The following PAX7 variants were observed in gnomAD, a reference collection of about 807,000 sequenced individuals.
The protein encoded by PAX7 is paired box protein Pax-7.
Under a neutral mutation model 50.7 loss-of-function variants are expected in PAX7, and 18 were observed. The ratio of observed to expected loss-of-function variants is 0.36; its 90% CI spans 0.25 to 0.53. The LOEUF (loss-of-function observed/expected upper bound fraction) is 0.53, where lower values mean the gene tolerates loss of function less well. Among genes scored for constraint, PAX7 ranks in the 20% least tolerant of loss-of-function variants. The pLI, the probability that PAX7 is intolerant of heterozygous loss-of-function variation, is 0.93. For missense variants in PAX7, 644 were observed against 702.9 expected, an observed-to-expected ratio of 0.92 and a Z score of 0.95; for synonymous variants, 310 against 290.4, an observed-to-expected ratio of 1.07 and a Z score of -0.69.
At chr1:18,718,394 A>G (rs1461942094) in intron 7 of PAX7, among the ~76,000 whole-genome samples, 1 of 152,008 alleles carries the variant, frequency 6.6e-6, no homozygotes, top group Non-Finnish European at 1.5e-5. Flanking sequence ...AAAAATCTCA[A>G]TTTGCAGACT....
intron 4 of PAX7, among the ~76,000 whole-genome samples, chr1:18,649,868 C>T (rs943353882): frequency 2.6e-5 from 4 of 152,222 alleles, no homozygotes; most frequent in Non-Finnish European, 5.9e-5. Flanking sequence ...CTGGAAGAGC[C>T]GCTTCATGTC....
chr1:18,720,524 GAGAC>G (rs756090916), intron 7 of PAX7, among the ~76,000 whole-genome samples: 3 of 152,118 alleles, frequency 2.0e-5, no homozygotes, highest in Non-Finnish European at 4.4e-5. Flanking sequence ...AGTGGTCAGA[GAGAC>G]AGACAGACAG....
At chr1:18,649,716 G>A (rs371545770) in intron 4 of PAX7, among the ~76,000 whole-genome samples, 1 of 152,162 alleles carries the variant, frequency 6.6e-6, no homozygotes, top group African/African-American at 2.4e-5. Context: ...TCCACCATCC[G>A]GGGAACTGTC....
intron 7 of PAX7, among the ~76,000 whole-genome samples, chr1:18,733,538 T>G (rs1161237018): frequency 2.6e-5 from 4 of 152,134 alleles, no homozygotes; most frequent in Admixed American, 2.0e-4. Flanking sequence ...CGGTCTCAGC[T>G]GGTCTGAGCT....
intron 4 of PAX7, among the ~76,000 whole-genome samples, chr1:18,682,948 C>A (rs1197758405): frequency 2.0e-5 from 3 of 152,162 alleles, no homozygotes; most frequent in African/African-American, 7.2e-5. Flanking sequence ...GCACAGCTGC[C>A]CAGCTGCCTG....
At chr1:18,720,005 C>T (rs1185242665) in intron 7 of PAX7, among the ~76,000 whole-genome samples, 2 of 152,134 alleles carry the variant, frequency 1.3e-5, no homozygotes, top group Non-Finnish European at 2.9e-5. Flanking sequence ...AGGTGAGCCC[C>T]GTGGTCAGCA....
At chr1:18,666,015 A>C (rs1408064076) in intron 4 of PAX7, among the ~76,000 whole-genome samples, 3 of 152,090 alleles carry the variant, frequency 2.0e-5, no homozygotes, top group Non-Finnish European at 4.4e-5. Context: ...TTTCCTGTAG[A>C]AAAAAGAAAG....
intron 6 of PAX7, among the ~76,000 whole-genome samples, 187 bp from the exon 7 acceptor site, chr1:18,702,907 C>G (rs2089239312): frequency 6.6e-6 from 1 of 152,178 alleles, no homozygotes; most frequent in African/African-American, 2.4e-5. Flanking sequence ...CAGTCAAGAC[C>G]TGGCCAGTGC....
chr1:18,738,019 G>A (rs1215875854), intron 8 of PAX7, among the ~76,000 whole-genome samples: 6 of 152,200 alleles, frequency 3.9e-5, no homozygotes, highest in African/African-American at 1.4e-4. Flanking sequence ...CATATTCTGT[G>A]TGCAGTGTGT....
intron 4 of PAX7, among the ~76,000 whole-genome samples, chr1:18,669,938 G>T (rs1313816362): frequency 6.6e-6 from 1 of 152,016 alleles, no homozygotes; most frequent in Non-Finnish European, 1.5e-5. Flanking sequence ...ACAAAAATTA[G>T]CTGGGCGTGG....
At chr1:18,655,307 C>T (rs1190463015) in intron 4 of PAX7, among the ~76,000 whole-genome samples, 4 of 152,202 alleles carry the variant, frequency 2.6e-5, no homozygotes, top group Admixed American at 6.5e-5. Flanking sequence ...ACGTCCCCTC[C>T]GTAGATGAAG....
chr1:18,710,738 T>C (rs951963947), intron 7 of PAX7, among the ~76,000 whole-genome samples: 2 of 152,098 alleles, frequency 1.3e-5, no homozygotes, highest in Non-Finnish European at 2.9e-5. Flanking sequence ...ACCCCCTCCT[T>C]CACACATATT....
intron 4 of PAX7, among the ~76,000 whole-genome samples, chr1:18,669,928 A>G (rs1454296849): frequency 3.3e-5 from 5 of 152,102 alleles, no homozygotes; most frequent in African/African-American, 1.2e-4. Context: ...TACTAAAAAT[A>G]CAAAAATTAG....
intron 7 of PAX7, among the ~76,000 whole-genome samples, chr1:18,729,630 G>C (rs2089620339): frequency 6.6e-6 from 1 of 152,196 alleles, no homozygotes; most frequent in Non-Finnish European, 1.5e-5. Flanking sequence ...GGATTCAGTT[G>C]TGTGTCCTGC....
At position 18,641,478 on chromosome 1, in the gene PAX7, C is replaced by T. The variant is rs193201656; in HGVS notation, c.586+5107C>T. On this transcript the variant is annotated intron_variant, in intron 4 of 8. Coordinates refer to ENST00000420770, the MANE Select transcript of PAX7 (RefSeq NM_001135254.2). ...ATTGAGTGAGGTTCCCGTGCTCAGCCGGTCTTGGAACGCAGGCACGTCTGA... is the reference window on the plus strand; with the variant it reads ...ATTGAGTGAGGTTCCCGTGCTCAGCTGGTCTTGGAACGCAGGCACGTCTGA... Among the ~76,000 whole-genome samples the T allele has an allele frequency of 7.9e-5, 12 of 152,272 alleles. No individual in the cohort carries two copies. The East Asian group carries it at 2.1e-3, about 27-fold the overall frequency.
rs1484152522 is a variant in PAX7, at chr1:18,735,173, G to C, written c.1156-459G>C. Among the ~76,000 whole-genome samples the C allele has an allele frequency of 6.6e-6, 1 of 152,208 alleles. No homozygotes were observed. The highest frequency in any genetic ancestry group is 1.5e-5 in the Non-Finnish European group (1 of 68,042). On this transcript the variant is annotated intron_variant, in intron 7 of 8. Transcript: ENST00000420770. This position sits in a 1 kb window ranked among gnomAD's most constrained non-coding sequence, Gnocchi z 4.0. The stretch of plus-strand genomic sequence containing the variant: ...TGACAGCAGACAGATCAAGAGTCCT[G>C]CTGTAATGTTTGTGTTAGAAGATGG...
chr1:18,671,467 G>T (rs2088747822), intron 4 of PAX7, among the ~76,000 whole-genome samples: 1 of 152,236 alleles, frequency 6.6e-6, no homozygotes, highest in Admixed American at 6.5e-5. Flanking sequence ...GCCGAGCCTG[G>T]AAGGGGAAGA....
intron 4 of PAX7, among the ~76,000 whole-genome samples, chr1:18,662,290 G>A (rs986335736): frequency 8.5e-5 from 13 of 152,158 alleles, no homozygotes; most frequent in East Asian, 1.9e-4. Context: ...CCTTCAAAAC[G>A]GGCCTAAAGA....
chr1:18,644,506 T>A (rs1015257454), intron 4 of PAX7, among the ~76,000 whole-genome samples: 1 of 152,118 alleles, frequency 6.6e-6, no homozygotes, highest in Non-Finnish European at 1.5e-5. Flanking sequence ...TACATACTTA[T>A]ATACTTTCAT....
Sources: allele counts gnomAD v4.1 joint callset (sites outside exome capture counted in the v4.1 genomes callset), GRCh38; gene constraint gnomAD v4.1.1; non-coding constraint Gnocchi (gnomAD v3.1); transcripts MANE v1.5; gene names NCBI Gene and HGNC (gene_info 2026-07-23, HGNC 2026-07-21).